Variants in CRLF3 observed in about 807,000 individuals in gnomAD.
The protein encoded by CRLF3 is cytokine receptor-like factor 3.
A neutral mutation model predicts 55.0 loss-of-function variants in CRLF3; 33 were observed. The ratio of observed to expected loss-of-function variants is 0.60; its 90% CI spans 0.46 to 0.80. The LOEUF is 0.80. Among genes scored for constraint, CRLF3 ranks in the 30% least tolerant of loss-of-function variants. The pLI, the probability that CRLF3 is intolerant of heterozygous loss-of-function variation, is 0.00. For synonymous variants in CRLF3, 238 were observed against 196.8 expected, an observed-to-expected ratio of 1.21 and a Z score of -1.75; for missense variants, 494 against 538.4, an observed-to-expected ratio of 0.92 and a Z score of 0.82.
At chr17:30,787,091 C>T (rs1360587249) in intron 6 of CRLF3, among the ~76,000 whole-genome samples, 2 of 152,178 alleles carry the variant, frequency 1.3e-5, no homozygotes, top group Non-Finnish European at 2.9e-5. Context: ...CCTCCTTGGC[C>T]TCCCAAAGTG....
At chr17:30,790,063 G>C (rs1971755374) in intron 6 of CRLF3, among the ~76,000 whole-genome samples, 2 of 151,834 alleles carry the variant, frequency 1.3e-5, no homozygotes, top group South Asian at 4.2e-4. Flanking sequence ...ATTAAGGGGT[G>C]AGGTGTCAAA....
At chr17:30,797,216 T>C in intron 3 of CRLF3, 95 bp downstream of exon 3, 1 of 886,622 alleles carries the variant, frequency 1.1e-6, no homozygotes, top group East Asian at 2.5e-5. Flanking sequence ...ATATATTCTC[T>C]ATCTCCCTTA....
In CRLF3 at chr17:30,811,125, T is replaced by C. The variant is rs549091676; in HGVS notation, c.130-7017A>G. ...AACAAACAAAAAAGAAAACCACATA[T>C]ATAAAACACAAAACTATTTGCTAAC... On this transcript the variant is annotated intron_variant, in intron 1 of 7. Coordinates refer to ENST00000324238, the MANE Select transcript of CRLF3 (RefSeq NM_015986.4). 1.8e-4 allele frequency among the ~76,000 whole-genome samples: 27 copies of C among 152,026 alleles called. No individual in the cohort carries two copies. The South Asian group carries it at 5.2e-3, about 29-fold the overall frequency.
At chr17:30,822,133 G>C (rs192015145) in intron 1 of CRLF3, among the ~76,000 whole-genome samples, 24 of 149,328 alleles carry the variant, frequency 1.6e-4, no homozygotes, top group Middle Eastern at 7.0e-3. Context: ...AAAAAATACA[G>C]ACGACAGGTG....
intron 1 of CRLF3, among the ~76,000 whole-genome samples, chr17:30,812,113 A>T (rs1480467347): frequency 2.6e-5 from 4 of 152,098 alleles, no homozygotes; most frequent in Admixed American, 1.3e-4. Context: ...CCGTCTAAAA[A>T]AAAAATAAAA....
chr17:30,818,829 T>A (rs1904894499), intron 1 of CRLF3, among the ~76,000 whole-genome samples: 1 of 151,228 alleles, frequency 6.6e-6, no homozygotes. Context: ...AGTGTTTTTT[T>A]TTTTTTGAGA....
intron 1 of CRLF3, among the ~76,000 whole-genome samples, chr17:30,805,497 A>C (rs926617988): frequency 2.0e-5 from 3 of 152,060 alleles, no homozygotes; most frequent in African/African-American, 7.2e-5. Context: ...GTGGATCATG[A>C]GGTCAGGAGT....
At chr17:30,790,852 G>T (rs146683204) in intron 6 of CRLF3, 1 of 152,014 alleles carries the variant, frequency 6.6e-6, no homozygotes, top group Non-Finnish European at 1.5e-5. Flanking sequence ...TCCTGACCTC[G>T]TGATCTGCCC....
intron 5 of CRLF3, among the ~76,000 whole-genome samples, 160 bp downstream of exon 5, chr17:30,793,290 T>G (rs975894588): frequency 6.6e-6 from 1 of 152,082 alleles, no homozygotes; most frequent in Non-Finnish European, 1.5e-5. Flanking sequence ...AAAACAAAAA[T>G]CACATGAGGT....
At chr17:30,792,698 T>C (rs1971831683) in intron 5 of CRLF3, 126 bp from the exon 6 acceptor site, 1 of 783,552 alleles carries the variant, frequency 1.3e-6, no homozygotes, top group South Asian at 2.3e-5. Context: ...TTCAATAAAA[T>C]AAAAGATTCC....
At chr17:30,793,367 T>C in intron 5 of CRLF3, 83 bp downstream of exon 5, 1 of 986,548 alleles carries the variant, frequency 1.0e-6, no homozygotes, top group Non-Finnish European at 1.6e-6. Context: ...GAATAGCTGG[T>C]TGTCAGTGTG....
intron 6 of CRLF3, among the ~76,000 whole-genome samples, chr17:30,791,636 G>A (rs1231186659): frequency 6.6e-6 from 1 of 150,972 alleles, no homozygotes; most frequent in Non-Finnish European, 1.5e-5. Flanking sequence ...TCCTGCCTCA[G>A]CCTCCCGAGT....
intron 6 of CRLF3, 40 bp from the exon 7 acceptor site, chr17:30,786,071 A>G (rs1425814104): frequency 1.8e-6 from 2 of 1,109,032 alleles, no homozygotes; most frequent in South Asian, 1.3e-5. Flanking sequence ...ACTTTTAAAA[A>G]TATAACATGA....
intron 6 of CRLF3, among the ~76,000 whole-genome samples, chr17:30,791,377 T>C (rs1286897877): frequency 6.6e-6 from 1 of 150,988 alleles, no homozygotes; most frequent in Middle Eastern, 3.2e-3. Context: ...GTCCTAATAT[T>C]TGTATTTTTA....
At chr17:30,821,449 C>A (rs1567670356) in intron 1 of CRLF3, among the ~76,000 whole-genome samples, 1 of 151,980 alleles carries the variant, frequency 6.6e-6, no homozygotes, top group Non-Finnish European at 1.5e-5. Context: ...TCTAAAACAA[C>A]TGAAAACATG....
chr17:30,822,622 G>A (rs1465007710), intron 1 of CRLF3, among the ~76,000 whole-genome samples: 1 of 151,990 alleles, frequency 6.6e-6, no homozygotes, highest in Non-Finnish European at 1.5e-5. Context: ...TATTTAAATT[G>A]TTGGATATAA....
intron 1 of CRLF3, among the ~76,000 whole-genome samples, chr17:30,822,136 G>A (rs1905018383): frequency 1.3e-5 from 2 of 150,368 alleles, no homozygotes; most frequent in Admixed American, 6.6e-5. Flanking sequence ...AAATACAGAC[G>A]ACAGGTGGCA....
chr17:30,784,102 A>G lies in CRLF3; in HGVS notation c.*85T>C. Reference sequence around the variant, plus strand: ...ATGGCCTAAGTTAGAGATGAATTCAACTTTTTTTTTAAAGCAATTACAACT... The same window carrying G: ...ATGGCCTAAGTTAGAGATGAATTCAGCTTTTTTTTTAAAGCAATTACAACT... On this transcript the variant is annotated 3_prime_UTR_variant, in exon 8 of 8. Coordinates refer to ENST00000324238, the MANE Select transcript of CRLF3 (RefSeq NM_015986.4). The G allele has an allele frequency of 1.6e-6, 2 of 1,256,274 alleles. No individual in the cohort carries two copies. The highest frequency in any genetic ancestry group is 2.4e-5 in the East Asian group (1 of 42,490). The allele number at this position is 1,256,274 out of a possible 1,614,324, so 77.8% of individuals were successfully genotyped here. A position where few individuals can be genotyped will look rare whatever the true frequency, so the allele number is the denominator to read the frequency against.
intron 1 of CRLF3, among the ~76,000 whole-genome samples, chr17:30,812,362 C>T (rs1275501852): frequency 1.3e-5 from 2 of 152,032 alleles, no homozygotes; most frequent in African/African-American, 2.4e-5. Flanking sequence ...TTAAACTCTA[C>T]CATAACCCTG....
Sources: allele counts gnomAD v4.1 joint callset (sites outside exome capture counted in the v4.1 genomes callset), GRCh38; gene constraint gnomAD v4.1.1; transcripts MANE v1.5; gene names NCBI Gene and HGNC (gene_info 2026-07-23, HGNC 2026-07-21).